TAAR2: variants seen among roughly 807,000 people sequenced by gnomAD.
TAAR2 encodes trace amine-associated receptor 2.
Under a neutral mutation model 25.5 loss-of-function variants are expected in TAAR2, and 30 were observed. The ratio of observed to expected loss-of-function variants is 1.18; its 90% CI spans 0.88 to 1.60. The LOEUF (loss-of-function observed/expected upper bound fraction) is 1.60, where lower values mean the gene tolerates loss of function less well. TAAR2 is among the 40% of genes most tolerant of loss of function. The pLI, the probability that TAAR2 is intolerant of heterozygous loss-of-function variation, is 0.00. For synonymous variants in TAAR2, 150 were observed against 142.4 expected, an observed-to-expected ratio of 1.05 and a Z score of -0.38; for missense variants, 481 against 416.5, an observed-to-expected ratio of 1.15 and a Z score of -1.35.
At chr6:132,620,613 C>T (rs992315477) in intron 1 of TAAR2, among the ~76,000 whole-genome samples, 7 of 151,970 alleles carry the variant, frequency 4.6e-5, no homozygotes, top group African/African-American at 1.7e-4. Flanking sequence ...CTGGGGTCTA[C>T]TTGGGGCCAG....
In TAAR2 at chr6:132,617,996, G is replaced by C. The variant is rs1777322868; in HGVS notation, c.210C>G (p.Tyr70Ter). ...TGGTTGGTGTGTGAAGCTGCTTGAA[G>C]TAGGAAATGGAAATTATCATGGCAA... ...GNLAMIISIS[Y>*]FKQLHTPTNF... Residue 70 changes from tyrosine (Y) to a stop codon, truncating the protein, a stop_gained, in exon 2 of 2, where the codon TAC becomes TAG. Coordinates refer to ENST00000367931, the MANE Select transcript of TAAR2 (RefSeq NM_001033080.1). LOFTEE classifies it high-confidence loss of function. The C allele has an allele frequency of 6.2e-7, 1 of 1,614,026 alleles. No homozygotes were observed. Among genetic ancestry groups the C allele is most frequent in the African/African-American group, 1.3e-5 (1 of 75,052 alleles).
At chr6:132,621,519 G>A (rs1777374912) in intron 1 of TAAR2, among the ~76,000 whole-genome samples, 1 of 151,992 alleles carries the variant, frequency 6.6e-6, no homozygotes, top group Non-Finnish European at 1.5e-5. Context: ...GTGGTGTTTG[G>A]TTTTCTGTTC....
At chr6:132,624,129 A>G (rs1316522564) in intron 1 of TAAR2, 87 bp downstream of exon 1, 2 of 1,258,304 alleles carry the variant, frequency 1.6e-6, no homozygotes, top group Non-Finnish European at 1.2e-6. Context: ...GAGCATAATT[A>G]TTATCTTTGT....
chr6:132,622,640 C>T (rs965781536), intron 1 of TAAR2, among the ~76,000 whole-genome samples: 30 of 151,936 alleles, frequency 2.0e-4, no homozygotes, highest in Middle Eastern at 3.4e-3. Flanking sequence ...CACGTGCCAC[C>T]ACACCTGGCT....
intron 1 of TAAR2, among the ~76,000 whole-genome samples, chr6:132,621,167 A>AAC (rs1554207092): frequency 6.6e-6 from 1 of 152,036 alleles, no homozygotes; most frequent in Admixed American, 6.6e-5. Context: ...AAAAAAAAAA[A>AAC]AACAACAACA....
intron 1 of TAAR2, among the ~76,000 whole-genome samples, chr6:132,622,535 G>C (rs1055930797): frequency 2.3e-4 from 31 of 135,022 alleles, no homozygotes; most frequent in Admixed American, 8.3e-5. Context: ...GCCCAGGCTA[G>C]AGTGCAATGG....
chr6:132,620,523 AC>A (rs2114611792), intron 1 of TAAR2, among the ~76,000 whole-genome samples: 1 of 152,342 alleles, frequency 6.6e-6, no homozygotes, highest in Admixed American at 6.5e-5. Flanking sequence ...GGGGTTTCTA[AC>A]CAAATACTGC....
chr6:132,620,874 A>T (rs532901186), intron 1 of TAAR2, among the ~76,000 whole-genome samples: 17 of 150,196 alleles, frequency 1.1e-4, no homozygotes, highest in Non-Finnish European at 2.1e-4. Flanking sequence ...TATTCCTAAC[A>T]TTGTCACACA....
At chr6:132,618,454 AC>A (rs1206698851) in intron 1 of TAAR2, among the ~76,000 whole-genome samples, 1 of 152,120 alleles carries the variant, frequency 6.6e-6, no homozygotes, top group Non-Finnish European at 1.5e-5. Context: ...AGCCTGGCCA[AC>A]ATGGTGAAAC....
Position 132,618,162 on chromosome 6 carries a change from C to G in TAAR2, c.61-17G>C, listed in dbSNP as rs376998917. 103 of 1,544,530 alleles carry G rather than the reference C, an allele frequency of 6.7e-5. No individual in the cohort carries two copies. Among genetic ancestry groups the G allele is most frequent in the Non-Finnish European group, 7.9e-5 (91 of 1,150,496 alleles). Reference sequence around the variant, plus strand: ...GAATTTTTCCTTCAAAAAACAAGAACAGATAGAATTTTGTCAGAATATAAA... The same window carrying G: ...GAATTTTTCCTTCAAAAAACAAGAAGAGATAGAATTTTGTCAGAATATAAA... On this transcript the variant is annotated splice_polypyrimidine_tract_variant and intron_variant, in intron 1 of 1. Coordinates refer to ENST00000367931, the MANE Select transcript of TAAR2 (RefSeq NM_001033080.1).
intron 1 of TAAR2, among the ~76,000 whole-genome samples, chr6:132,623,434 T>G (rs575595377): frequency 2.0e-5 from 3 of 152,166 alleles, no homozygotes; most frequent in Admixed American, 6.6e-5. Flanking sequence ...AAGGAAGACC[T>G]AATGCAACAG....
At chr6:132,621,991 TA>T (rs1355857019) in intron 1 of TAAR2, among the ~76,000 whole-genome samples, 1 of 152,186 alleles carries the variant, frequency 6.6e-6, no homozygotes, top group African/African-American at 2.4e-5. Flanking sequence ...AAGCTAAATG[TA>T]AAAGCAGTAT....
rs745560173 is a variant in TAAR2, at chr6:132,618,046, T to C, written c.160A>G (p.Ile54Val). 2 of 1,613,946 alleles carry C rather than the reference T, an allele frequency of 1.2e-6. No homozygotes were observed. Among genetic ancestry groups the C allele is most frequent in the Admixed American group, 1.7e-5 (1 of 59,998 alleles). The change falls in exon 2 of 2, where the codon ATA (isoleucine) becomes GTA (valine). Residue 54 changes from isoleucine (I) to valine (V), a missense_variant. Coordinates refer to ENST00000367931, the MANE Select transcript of TAAR2 (RefSeq NM_001033080.1). Reference sequence around the variant, plus strand: ...AGATTGCCAAATATTGTGATGAATATGGATCCTGCCATAAATGAATACATA... The same window carrying C: ...AGATTGCCAAATATTGTGATGAATACGGATCCTGCCATAAATGAATACATA... ...VAMYSFMAGS[I>V]FITIFGNLAM...
intron 1 of TAAR2, among the ~76,000 whole-genome samples, chr6:132,620,635 G>GAT (rs1777358912): frequency 6.6e-6 from 1 of 152,056 alleles, no homozygotes; most frequent in South Asian, 2.1e-4. Flanking sequence ...GCGGGGAGGA[G>GAT]GACGGGAGGA....
intron 1 of TAAR2, among the ~76,000 whole-genome samples, chr6:132,621,997 C>T (rs1777381307): frequency 6.6e-6 from 1 of 152,030 alleles, no homozygotes; most frequent in African/African-American, 2.4e-5. Flanking sequence ...AATGTAAAAG[C>T]AGTATTTTAA....
rs769704871 is a variant in TAAR2 at position 132,624,253 on chromosome 6, T to A, written c.23A>T (p.His8Leu). ...TGTTCTTTTGAAATGTGAAAGTTCA[T>A]GTTGCTCTGATGAGACAGCCATGGG... MAVSSEQ[H>L]ELSHFKRTQT... The change falls in exon 1 of 2, where the codon CAT becomes CTT. Residue 8 changes from histidine to leucine, a missense_variant. Coordinates refer to ENST00000367931, the MANE Select transcript of TAAR2 (RefSeq NM_001033080.1). 6.2e-7 allele frequency: 1 copy of A among 1,613,574 alleles called. No homozygotes were observed.
intron 1 of TAAR2, among the ~76,000 whole-genome samples, chr6:132,622,484 T>TTTTC (rs1777387620): frequency 7.8e-6 from 1 of 128,148 alleles, no homozygotes; most frequent in Non-Finnish European, 1.7e-5. Flanking sequence ...ACCACTTTTT[T>TTTTC]TTTTTTTTTT....
intron 1 of TAAR2, among the ~76,000 whole-genome samples, chr6:132,620,664 A>G (rs111234170): frequency 0.025 from 3,807 of 152,206 alleles, 174 homozygotes; most frequent in African/African-American, 0.088. Context: ...AGCAGAAAAG[A>G]TAACTATTGG....
At chr6:132,619,007 G>C (rs886609357) in intron 1 of TAAR2, among the ~76,000 whole-genome samples, 1 of 152,184 alleles carries the variant, frequency 6.6e-6, no homozygotes, top group Non-Finnish European at 1.5e-5. Context: ...TTATCTGGTA[G>C]AGTCAATCTA....
Sources: allele counts gnomAD v4.1 joint callset (sites outside exome capture counted in the v4.1 genomes callset), GRCh38; gene constraint gnomAD v4.1.1; transcripts MANE v1.5; gene names NCBI Gene and HGNC (gene_info 2026-07-23, HGNC 2026-07-21).